XKR4: variants seen among roughly 807,000 people sequenced by gnomAD.
XKR4 encodes XK related 4.
Under a neutral mutation model 53.9 loss-of-function variants are expected in XKR4, and 12 were observed. The ratio of observed to expected loss-of-function variants is 0.22; its 90% CI spans 0.14 to 0.36. The LOEUF is 0.36. Among genes scored for constraint, XKR4 ranks in the 10% least tolerant of loss-of-function variants. The pLI, the probability that XKR4 is intolerant of heterozygous loss-of-function variation, is 1.00. For missense variants in XKR4, 799 were observed against 859.5 expected, an observed-to-expected ratio of 0.93 and a Z score of 0.88; for synonymous variants, 354 against 362.4, an observed-to-expected ratio of 0.98 and a Z score of 0.26.
intron 1 of XKR4, chr8:55,164,512 G>C: frequency 2.2e-6 from 1 of 445,216 alleles, no homozygotes; most frequent in South Asian, 1.6e-5. Flanking sequence ...TGAGCTTGCT[G>C]GTACTCAGAA....
intron 1 of XKR4, among the ~76,000 whole-genome samples, chr8:55,104,552 A>G (rs1019713706): frequency 1.3e-5 from 2 of 152,220 alleles, no homozygotes; most frequent in Non-Finnish European, 2.9e-5. Context: ...CTTTTTATTT[A>G]TGATGAACAA....
At chr8:55,169,061 TC>T (rs1463834599) in intron 1 of XKR4, among the ~76,000 whole-genome samples, 1 of 152,238 alleles carries the variant, frequency 6.6e-6, no homozygotes, top group African/African-American at 2.4e-5. Context: ...TTTTTATCTT[TC>T]TAGACATGTT....
chr8:55,414,500 TATATA>T (rs1214895666), intron 2 of XKR4, among the ~76,000 whole-genome samples: 1 of 149,428 alleles, frequency 6.7e-6, no homozygotes, highest in African/African-American at 2.4e-5. Context: ...AGATATATAG[TATATA>T]ATATATGTAA....
At chr8:55,257,705 T>C (rs1818458777) in intron 1 of XKR4, among the ~76,000 whole-genome samples, 1 of 152,240 alleles carries the variant, frequency 6.6e-6, no homozygotes, top group Non-Finnish European at 1.5e-5. Context: ...TGTTTAGTTA[T>C]GTGACACTTT....
intron 2 of XKR4, among the ~76,000 whole-genome samples, chr8:55,365,168 C>T (rs1803958675): frequency 6.6e-6 from 1 of 152,184 alleles, no homozygotes; most frequent in South Asian, 2.1e-4. Flanking sequence ...TTTGGCTGCC[C>T]TGGGATGTGG....
At chr8:55,331,772 CT>C (rs1451892506) in intron 1 of XKR4, among the ~76,000 whole-genome samples, 3 of 152,052 alleles carry the variant, frequency 2.0e-5, no homozygotes, top group African/African-American at 7.2e-5. Context: ...CATCCCTACC[CT>C]CTTTTGGTTA....
chr8:55,522,238 AGGGAATACCAACCAAAT>A (rs1400988566), intron 2 of XKR4, among the ~76,000 whole-genome samples: 1 of 152,250 alleles, frequency 6.6e-6, no homozygotes, highest in Non-Finnish European at 1.5e-5. Context: ...CTACTTTTAG[AGGGAATACCAACCAAAT>A]GGGACCAATA....
intron 1 of XKR4, among the ~76,000 whole-genome samples, chr8:55,198,229 AC>A (rs1220240472): frequency 6.6e-6 from 1 of 152,196 alleles, no homozygotes; most frequent in Non-Finnish European, 1.5e-5. Flanking sequence ...TATCTGCGCT[AC>A]CCTGATGGGG....
chr8:55,172,384 G>A (rs1014072650), intron 1 of XKR4, among the ~76,000 whole-genome samples: 15 of 151,924 alleles, frequency 9.9e-5, no homozygotes, highest in Non-Finnish European at 1.8e-4. Flanking sequence ...GAAAAATTTT[G>A]CACCTACTCT....
chr8:55,211,220 T>C (rs1445859073), intron 1 of XKR4, among the ~76,000 whole-genome samples: 1 of 152,258 alleles, frequency 6.6e-6, no homozygotes, highest in Non-Finnish European at 1.5e-5. Context: ...ACAATTTAGA[T>C]AGAAGGTCCT....
intron 2 of XKR4, chr8:55,455,288 T>G: frequency 6.1e-6 from 1 of 164,800 alleles, no homozygotes; most frequent in Admixed American, 6.5e-5. Flanking sequence ...CGGCCCGGGC[T>G]CCAGACACCA....
Position 55,389,100 on chromosome 8 carries a change from T to G in XKR4, c.1006+31223T>G, listed in dbSNP as rs139968132. 5.3e-5 allele frequency among the ~76,000 whole-genome samples: 8 copies of G among 152,318 alleles called. No homozygotes were observed. The East Asian group carries it at 9.6e-4, about 18-fold the overall frequency. On this transcript the variant is annotated intron_variant, in intron 2 of 2. Transcript: ENST00000327381. ...ATGCACACACAGGGAGAGAGACACG[T>G]GAAGACTGTTGTCTCGCTGCCACCA...
chr8:55,262,566 G>GA (rs1330539026), intron 1 of XKR4, among the ~76,000 whole-genome samples: 1 of 152,192 alleles, frequency 6.6e-6, no homozygotes, highest in Non-Finnish European at 1.5e-5. Flanking sequence ...CACATGCACT[G>GA]AGGAAAGGCC....
intron 1 of XKR4, among the ~76,000 whole-genome samples, chr8:55,132,326 C>A (rs1816567076): frequency 6.6e-6 from 1 of 152,150 alleles, no homozygotes; most frequent in Non-Finnish European, 1.5e-5. Flanking sequence ...AGTTGTCCCC[C>A]CTTATCCACA....
rs547529318 is a variant in XKR4 at position 55,538,440 on chromosome 8, T to C, written c.*14213T>C. ...GTCTGAGGAATACAACAGCAACAAC[T>C]CACCAAGCAGAGAATACAATGGTTC... On this transcript the variant is annotated 3_prime_UTR_variant, in exon 3 of 3. Transcript: ENST00000327381. 6.6e-6 allele frequency: 1 copy of C among 152,274 alleles called. No individual in the cohort carries two copies. The highest frequency in any genetic ancestry group is 1.5e-5 in the Non-Finnish European group (1 of 68,038). The allele number at this position is 152,274 out of a possible 1,614,324, so 9.4% of individuals were successfully genotyped here. A position where few individuals can be genotyped will look rare whatever the true frequency, so the allele number is the denominator to read the frequency against.
intron 1 of XKR4, among the ~76,000 whole-genome samples, chr8:55,326,966 C>T (rs1047806331): frequency 6.6e-6 from 1 of 152,002 alleles, no homozygotes; most frequent in African/African-American, 2.4e-5. Context: ...GAGGAAACCT[C>T]TCTCCCTTGC....
At chr8:55,502,480 G>A (rs2129403646) in intron 2 of XKR4, among the ~76,000 whole-genome samples, 1 of 152,046 alleles carries the variant, frequency 6.6e-6, no homozygotes, top group South Asian at 2.1e-4. Flanking sequence ...CTAATCCTTA[G>A]TGATGTTGAG....
intron 2 of XKR4, among the ~76,000 whole-genome samples, chr8:55,429,673 G>A (rs1368137322): frequency 6.6e-6 from 1 of 151,630 alleles, no homozygotes; most frequent in Non-Finnish European, 1.5e-5. Context: ...CAAGGTTACA[G>A]CGAGCAGAGC....
At chr8:55,378,399 A>C (rs963699737) in intron 2 of XKR4, among the ~76,000 whole-genome samples, 2 of 152,214 alleles carry the variant, frequency 1.3e-5, no homozygotes, top group African/African-American at 4.8e-5. Flanking sequence ...TTCTGATCTT[A>C]TATTAAGAGC....
Sources: gnomAD v4.1 joint callset for allele counts (sites outside exome capture counted in the v4.1 genomes callset) on GRCh38, gnomAD v4.1.1 for gene constraint, MANE v1.5 for transcripts, NCBI Gene and HGNC (gene_info 2026-07-23, HGNC 2026-07-21) for gene names.